Variants in TBC1D22A observed in about 807,000 individuals in gnomAD.
TBC1D22A encodes TBC1 domain family member 22A.
A neutral mutation model predicts 60.2 loss-of-function variants in TBC1D22A; 38 were observed. The observed-to-expected ratio is 0.63, with a 90% CI of 0.49 to 0.83. The LOEUF (loss-of-function observed/expected upper bound fraction) is 0.83, where lower values mean the gene tolerates loss of function less well. Ranked by LOEUF, TBC1D22A falls within the 40% of genes least tolerant of loss-of-function variation. The pLI is 0.00. For synonymous variants in TBC1D22A, 302 were observed against 281.7 expected, an observed-to-expected ratio of 1.07 and a Z score of -0.72; for missense variants, 628 against 701.0, an observed-to-expected ratio of 0.90 and a Z score of 1.18.
At chr22:46,893,231 A>T (rs8142184) in intron 6 of TBC1D22A, among the ~76,000 whole-genome samples, 153 of 152,354 alleles carry the variant, frequency 1.0e-3, no homozygotes, top group African/African-American at 3.6e-3. Context: ...TCAAAGCCAC[A>T]TGGAGAGCCA....
At chr22:46,999,332 C>T (rs1262561321) in intron 10 of TBC1D22A, among the ~76,000 whole-genome samples, 1 of 152,136 alleles carries the variant, frequency 6.6e-6, no homozygotes, top group African/African-American at 2.4e-5. Context: ...CTGAGTAGGC[C>T]ATTTTCATAT....
At chr22:46,871,631 G>C (rs1363067353) in intron 4 of TBC1D22A, among the ~76,000 whole-genome samples, 1 of 152,210 alleles carries the variant, frequency 6.6e-6, no homozygotes, top group Non-Finnish European at 1.5e-5. Flanking sequence ...CACAAGGAAA[G>C]TTTGAACTGA....
chr22:47,150,006 G>A (rs1455165191), intron 12 of TBC1D22A, among the ~76,000 whole-genome samples: 1 of 152,092 alleles, frequency 6.6e-6, no homozygotes, highest in Non-Finnish European at 1.5e-5. Flanking sequence ...GGGGCAGCGG[G>A]GCTGGGCCTG....
intron 10 of TBC1D22A, among the ~76,000 whole-genome samples, chr22:47,015,383 C>T (rs536962025): frequency 1.1e-4 from 16 of 152,318 alleles, no homozygotes; most frequent in Admixed American, 5.2e-4. Flanking sequence ...TGAATGCCTT[C>T]GGCCCTCTGT....
intron 11 of TBC1D22A, among the ~76,000 whole-genome samples, chr22:47,078,334 G>T (rs1200787882): frequency 1.3e-5 from 2 of 152,170 alleles, no homozygotes; most frequent in East Asian, 1.9e-4. Flanking sequence ...TATACTGTAA[G>T]ATTTTTGCTT....
At chr22:46,830,544 C>CTGG (rs1256495201) in intron 4 of TBC1D22A, among the ~76,000 whole-genome samples, 1 of 152,208 alleles carries the variant, frequency 6.6e-6, no homozygotes, top group Non-Finnish European at 1.5e-5. Flanking sequence ...AAGCAAAGGG[C>CTGG]TGGTGGAAGG....
chr22:47,099,468 G>A (rs1237498234), intron 11 of TBC1D22A, among the ~76,000 whole-genome samples: 1 of 147,844 alleles, frequency 6.8e-6, no homozygotes, highest in Non-Finnish European at 1.5e-5. Context: ...TTTTTGAAAC[G>A]GAGTTTCGCT....
intron 4 of TBC1D22A, among the ~76,000 whole-genome samples, chr22:46,801,941 A>G (rs1279745319): frequency 6.6e-6 from 1 of 152,202 alleles, no homozygotes; most frequent in African/African-American, 2.4e-5. Context: ...ATACGAGTAG[A>G]TGCCCCCTTG....
rs548667901 is a variant in TBC1D22A, at chr22:46,798,170, C to T, written c.637+550C>T. On this transcript the variant is annotated intron_variant, in intron 4 of 12. Transcript: ENST00000337137. ...GGGCTTAAGGCGTGATCCACCACGC[C>T]TGGCCCATTCTGTTTTCCTGTTGTC... Among the ~76,000 whole-genome samples, 156 of 152,390 alleles carry T rather than the reference C, an allele frequency of 1.0e-3. 1 individual carries two copies. The highest frequency in any genetic ancestry group is 3.9e-3 in the South Asian group (19 of 4,834).
chr22:46,811,146 C>T (rs753623813), intron 4 of TBC1D22A, among the ~76,000 whole-genome samples: 2 of 152,154 alleles, frequency 1.3e-5, no homozygotes, highest in Non-Finnish European at 2.9e-5. Context: ...GAGCTTGTTT[C>T]GGCCAGATTC....
intron 12 of TBC1D22A, among the ~76,000 whole-genome samples, chr22:47,148,160 C>T (rs780707375): frequency 3.3e-5 from 5 of 152,086 alleles, no homozygotes; most frequent in Admixed American, 1.3e-4. Context: ...AAACCAGCCC[C>T]GAGAGGCCAC....
At position 46,997,621 on chromosome 22, in the gene TBC1D22A, C is replaced by A; in HGVS notation, c.1126-13C>A. On this transcript the variant is annotated splice_polypyrimidine_tract_variant and intron_variant, in intron 9 of 12. Transcript: ENST00000337137. ...TTATATGCATATGATTCACATTATT[C>A]TTTTTTCCTTAGGACAACTACACCT... 2 of 1,610,104 alleles carry A rather than the reference C, an allele frequency of 1.2e-6. No homozygotes were observed. Among genetic ancestry groups the A allele is most frequent in the Admixed American group, 3.3e-5 (2 of 59,928 alleles).
intron 11 of TBC1D22A, among the ~76,000 whole-genome samples, chr22:47,077,647 C>T (rs906209388): frequency 6.6e-6 from 1 of 152,218 alleles, no homozygotes. Flanking sequence ...GAGGTGCTCA[C>T]ACTCTGGTGG....
intron 11 of TBC1D22A, among the ~76,000 whole-genome samples, chr22:47,087,456 G>T (rs1345591238): frequency 6.6e-6 from 1 of 152,172 alleles, no homozygotes; most frequent in Non-Finnish European, 1.5e-5. Flanking sequence ...TGTCAAGTCG[G>T]TACTTTAATC....
chr22:46,901,837 A>G (rs754715046), intron 7 of TBC1D22A, among the ~76,000 whole-genome samples: 22 of 152,126 alleles, frequency 1.4e-4, no homozygotes, highest in Non-Finnish European at 3.1e-4. Flanking sequence ...AGAATTCTCT[A>G]TTTTGCTCCT....
rs117661995 is a variant in TBC1D22A at position 46,838,567 on chromosome 22, T to C, written c.638-40086T>C. 2.9e-4 allele frequency among the ~76,000 whole-genome samples: 44 copies of C among 151,620 alleles called. No homozygotes were observed. In the East Asian group the frequency reaches 7.2e-3, roughly 25 times the overall value. ...ACTTCCCAGCTGTATTATGAGGATA[T>C]ATTATACCCTGATTTAAAAGCCAGA... On this transcript the variant is annotated intron_variant, in intron 4 of 12. Coordinates refer to ENST00000337137, the MANE Select transcript of TBC1D22A (RefSeq NM_014346.5).
chr22:46,840,435 C>G (rs1052318718), intron 4 of TBC1D22A, among the ~76,000 whole-genome samples: 1 of 152,104 alleles, frequency 6.6e-6, no homozygotes, highest in Admixed American at 6.5e-5. Context: ...TAGTATGGCT[C>G]TTACCAAAAA....
rs181460265 is a variant in TBC1D22A, at chr22:46,874,219, A to C, written c.638-4434A>C. On this transcript the variant is annotated intron_variant, in intron 4 of 12. Transcript: ENST00000337137. ...TTTAGGTTGATTCCATGTCTTTGCT[A>C]TAGTGAATAGTGCTGCAGTGAACAT... Among the ~76,000 whole-genome samples the C allele has an allele frequency of 9.9e-5, 15 of 152,254 alleles. No homozygotes were observed. The East Asian group carries it at 2.9e-3, about 29-fold the overall frequency.
chr22:47,108,783 C>A (rs1300126886), intron 11 of TBC1D22A, among the ~76,000 whole-genome samples: 1 of 152,170 alleles, frequency 6.6e-6, no homozygotes, highest in Non-Finnish European at 1.5e-5. Flanking sequence ...GCAAGCTCCG[C>A]CTCCCAGGTT....
Sources: allele counts gnomAD v4.1 joint callset (sites outside exome capture counted in the v4.1 genomes callset), GRCh38; gene constraint gnomAD v4.1.1; transcripts MANE v1.5; gene names NCBI Gene and HGNC (gene_info 2026-07-23, HGNC 2026-07-21).